Variants in ZDHHC24 observed in about 807,000 individuals in gnomAD.
The protein encoded by ZDHHC24 is probable palmitoyltransferase ZDHHC24.
ZDHHC24 carries 17 observed loss-of-function variants against 23.2 expected under a neutral mutation model. The ratio of observed to expected loss-of-function variants is 0.73; its 90% CI spans 0.50 to 1.10. The LOEUF is 1.10. ZDHHC24 is among the 50% of genes least tolerant of loss of function. The pLI, the probability that ZDHHC24 is intolerant of heterozygous loss-of-function variation, is 0.00. For synonymous variants in ZDHHC24, 186 were observed against 194.5 expected, an observed-to-expected ratio of 0.96 and a Z score of 0.36; for missense variants, 366 against 393.0, an observed-to-expected ratio of 0.93 and a Z score of 0.58.
chr11:66,529,591 T>G (rs143957675), intron 2 of ZDHHC24: 22 of 691,254 alleles, frequency 3.2e-5, no homozygotes. Context: ...AGCTAGATAG[T>G]GCAGGCAGGG....
At chr11:66,542,464 C>G (rs1445250732) in intron 2 of ZDHHC24, 1 of 152,906 alleles carries the variant, frequency 6.5e-6, no homozygotes, top group Non-Finnish European at 1.5e-5. Context: ...CGGTGAGGGC[C>G]ACGAGCCTGC....
At chr11:66,520,821 C>T (rs1590761740), downstream of ZDHHC24, 1 of 259,248 alleles carries the variant, frequency 3.9e-6, no homozygotes, top group East Asian at 9.9e-5. Flanking sequence ...GCAACCTATG[C>T]CACCTGGGCT....
chr11:66,525,991 C>A, intron 4 of ZDHHC24: 6 of 757,674 alleles, frequency 7.9e-6, no homozygotes, highest in Non-Finnish European at 1.4e-5. Context: ...GGAAATATTT[C>A]AGAGGCAGCG....
exon 5 of ZDHHC24, chr11:66,521,403 C>G (rs373370853): frequency 6.3e-7 from 1 of 1,576,840 alleles, no homozygotes. Context: ...TCTCCGGGGC[C>G]GGGAGGAACA....
At chr11:66,531,095 A>C, downstream of ZDHHC24, 1 of 1,596,828 alleles carries the variant, frequency 6.3e-7, no homozygotes, top group Non-Finnish European at 8.5e-7. Flanking sequence ...TGAGATGCCC[A>C]CAGAGCCCCG....
chr11:66,520,929 G>A (rs1856188169), downstream of ZDHHC24: 1 of 366,460 alleles, frequency 2.7e-6, no homozygotes, highest in African/African-American at 2.1e-5. Context: ...ATGTTGGACA[G>A]GCTGGTCTTG....
chr11:66,533,181 G>A (rs1305990714), downstream of ZDHHC24: 1 of 152,234 alleles, frequency 6.6e-6, no homozygotes, highest in Non-Finnish European at 1.5e-5. Flanking sequence ...ACAGTGCAGG[G>A]TGCCCAGTGC....
At chr11:66,539,996 A>T (rs779127221) in intron 2 of ZDHHC24, among the ~76,000 whole-genome samples, 172 bp from the exon 3 acceptor site, 1 of 152,202 alleles carries the variant, frequency 6.6e-6, no homozygotes, top group East Asian at 1.9e-4. Context: ...AACTGGGCAG[A>T]CGCAGCCCCC....
chr11:66,534,189 A>G (rs1856887299), downstream of ZDHHC24, among the ~76,000 whole-genome samples: 1 of 151,248 alleles, frequency 6.6e-6, no homozygotes. Context: ...TCACACGTGT[A>G]ATCCCAGCAC....
At position 66,545,074 on chromosome 11, in the gene ZDHHC24, C is replaced by G. The variant is rs1857270185; in HGVS notation, c.281+649G>C. Among the ~76,000 whole-genome samples, 1 of 151,658 alleles carries G rather than the reference C, an allele frequency of 6.6e-6. No homozygotes were observed. Among genetic ancestry groups the G allele is most frequent in the Non-Finnish European group, 1.5e-5 (1 of 67,910 alleles). On this transcript the variant is annotated intron_variant, in intron 1 of 2. Coordinates refer to ENST00000310442, the MANE Select transcript of ZDHHC24 (RefSeq NM_207340.3). The surrounding 1 kb of genome is among the most constrained non-coding windows in gnomAD (Gnocchi z 4.5). ...TATTTGAGACGGAGGGAGTCTTGCTCTGTCACCCAGGCTGGAGTGCAGTGG... is the reference window on the plus strand; with the variant it reads ...TATTTGAGACGGAGGGAGTCTTGCTGTGTCACCCAGGCTGGAGTGCAGTGG...
chr11:66,526,045 G>A (rs1016421661), intron 4 of ZDHHC24: 38 of 1,281,870 alleles, frequency 3.0e-5, no homozygotes, highest in Middle Eastern at 1.8e-4. Context: ...ATTATATCTG[G>A]GGCCTCCCCT....
Position 66,543,901 on chromosome 11 carries a change from T to C in ZDHHC24, c.362A>G (p.Asp121Gly). The change falls in exon 2 of 3, where the codon GAC (aspartate) becomes GGC (glycine). Residue 121 changes from aspartate to glycine, a missense_variant. Physicochemically the swap from Asp to Gly is moderately conservative, Grantham distance 94 (BLOSUM62 -1). Coordinates refer to ENST00000310442, the MANE Select transcript of ZDHHC24 (RefSeq NM_207340.3). ...GCGGCCCAGCAGGCGGCAGTGGTGG[T>C]CCCGACGCAGGATGCAGACGCGGCA... Reference protein sequence around the residue: ...SACRVCILRRDHHCRLLGRCV... With the variant: ...SACRVCILRRGHHCRLLGRCV... 2 of 1,613,904 alleles carry C rather than the reference T, an allele frequency of 1.2e-6. No individual in the cohort carries two copies. Among genetic ancestry groups the C allele is most frequent in the Non-Finnish European group, 1.7e-6 (2 of 1,179,916 alleles).
At chr11:66,531,581 G>A (rs1171618942), downstream of ZDHHC24, 11 of 1,589,706 alleles carry the variant, frequency 6.9e-6, no homozygotes, top group East Asian at 2.2e-5. Context: ...TGGAGACTGC[G>A]GGCCTGAATG....
downstream of ZDHHC24, chr11:66,533,303 TAACAAGAA>T (rs1856856755): frequency 6.6e-6 from 1 of 152,240 alleles, no homozygotes; most frequent in Non-Finnish European, 1.5e-5. Flanking sequence ...ACACAGTTTG[TAACAAGAA>T]AACAGTCTCT....
downstream of ZDHHC24, chr11:66,520,806 T>G (rs1856182784): frequency 4.0e-6 from 1 of 252,184 alleles, no homozygotes; most frequent in African/African-American, 2.2e-5. Context: ...CAATCTCAGC[T>G]TACTGCAACC....
At chr11:66,529,566 A>C in intron 2 of ZDHHC24, 1 of 698,330 alleles carries the variant, frequency 1.4e-6, no homozygotes, top group Non-Finnish European at 2.6e-6. Context: ...GGCCGGACAG[A>C]GAAGCCAGTG....
chr11:66,532,017 G>A (rs761304709), downstream of ZDHHC24: 11 of 1,606,898 alleles, frequency 6.8e-6, no homozygotes, highest in Admixed American at 6.7e-5. Flanking sequence ...GCCTGGGAGC[G>A]AGGGGCTGGC....
At chr11:66,527,361 GC>G (rs1565288340) in intron 3 of ZDHHC24, among the ~76,000 whole-genome samples, 1 of 151,958 alleles carries the variant, frequency 6.6e-6, no homozygotes, top group African/African-American at 2.4e-5. Context: ...TGTGCCAGGT[GC>G]CTTTAATTAG....
In ZDHHC24 at chr11:66,545,754, G is replaced by A. The variant is rs1418979149; in HGVS notation, c.250C>T (p.Leu84=). Reference sequence around the variant, plus strand: ...CCCTGGCCCAGACCGCGGCCGGCCAGCATCACGCCACGGATGCTGGGATCC... The same window carrying A: ...CCCTGGCCCAGACCGCGGCCGGCCAACATCACGCCACGGATGCTGGGATCC... The part of the protein sequence containing the change: ...RSDPSIRGVM[L]AGRGLGQGWA... The change falls in exon 1 of 3, where the codon CTG becomes TTG. Residue 84 remains leucine, a synonymous_variant. Coordinates refer to ENST00000310442, the MANE Select transcript of ZDHHC24 (RefSeq NM_207340.3). This position sits in a 1 kb window ranked among gnomAD's most constrained non-coding sequence, Gnocchi z 4.5. 1 of 1,587,298 alleles carries A rather than the reference G, an allele frequency of 6.3e-7. No individual in the cohort carries two copies. The highest frequency in any genetic ancestry group is 8.5e-7 in the Non-Finnish European group (1 of 1,172,256).
Sources: allele counts gnomAD v4.1 joint callset (sites outside exome capture counted in the v4.1 genomes callset), GRCh38; gene constraint gnomAD v4.1.1; non-coding constraint Gnocchi (gnomAD v3.1); transcripts MANE v1.5; gene names NCBI Gene and HGNC (gene_info 2026-07-23, HGNC 2026-07-21).